OSBPL6: variants seen among roughly 807,000 people sequenced by gnomAD.
OSBPL6 encodes oxysterol-binding protein-related protein 6.
OSBPL6 carries 49 observed loss-of-function variants against 125.8 expected under a neutral mutation model. The observed-to-expected ratio is 0.39, with a 90% confidence interval of 0.31 to 0.49. The LOEUF is 0.49. Ranked by LOEUF, OSBPL6 falls within the 20% of genes least tolerant of loss-of-function variation. The probability of loss-of-function intolerance (pLI) is 0.88; values close to 1 mark genes in which losing one functional copy is unlikely to be tolerated. For synonymous variants in OSBPL6, 394 were observed against 391.8 expected, an observed-to-expected ratio of 1.01 and a Z score of -0.07; for missense variants, 986 against 1,135.4, an observed-to-expected ratio of 0.87 and a Z score of 1.89.
chr2:178,360,344 A>G (rs1053100980), intron 12 of OSBPL6, among the ~76,000 whole-genome samples: 1 of 152,154 alleles, frequency 6.6e-6, no homozygotes, highest in African/African-American at 2.4e-5. Context: ...CTAAATTAGT[A>G]GATTATAGCT....
intron 1 of OSBPL6, among the ~76,000 whole-genome samples, chr2:178,244,306 C>T (rs2091411911): frequency 6.6e-6 from 1 of 152,212 alleles, no homozygotes; most frequent in African/African-American, 2.4e-5. Context: ...CTTAGGTCCT[C>T]CTCTCTTATT....
Position 178,386,766 on chromosome 2 carries a change from C to G in OSBPL6, c.2078-295C>G, listed in dbSNP as rs372168899. On this transcript the variant is annotated intron_variant, in intron 19 of 24. Coordinates refer to ENST00000190611, the MANE Select transcript of OSBPL6 (RefSeq NM_032523.4). ...ACACACACACCGCACACACACTGTT[C>G]CAGGCTTCTCCCAGCTCTGTTAGTT... 2.6e-5 allele frequency among the ~76,000 whole-genome samples: 4 copies of G among 151,928 alleles called. No homozygotes were observed. In the South Asian group the frequency reaches 8.3e-4, roughly 32 times the overall value.
chr2:178,333,501 C>T (rs187100828), intron 8 of OSBPL6, among the ~76,000 whole-genome samples: 61 of 152,256 alleles, frequency 4.0e-4, no homozygotes, highest in African/African-American at 1.4e-3. Context: ...CAGAAGACAA[C>T]AGTGACATTT....
At chr2:178,337,975 T>C (rs1195080911) in intron 9 of OSBPL6, among the ~76,000 whole-genome samples, 1 of 144,836 alleles carries the variant, frequency 6.9e-6, no homozygotes, top group East Asian at 2.0e-4. Flanking sequence ...GGAGTCTTGC[T>C]CTATTGCATA....
At chr2:178,344,189 T>G in intron 11 of OSBPL6, 1 of 1,074,972 alleles carries the variant, frequency 9.3e-7, no homozygotes, top group South Asian at 1.4e-5. Flanking sequence ...AGTTAAAAAC[T>G]CTCCCTCTCC....
At chr2:178,290,700 C>T (rs1430734442) in intron 2 of OSBPL6, among the ~76,000 whole-genome samples, 1 of 152,076 alleles carries the variant, frequency 6.6e-6, no homozygotes, top group Non-Finnish European at 1.5e-5. Context: ...ATACCCCAGT[C>T]TAAGAATCAG....
chr2:178,367,815 A>G (rs1199898860), intron 13 of OSBPL6, among the ~76,000 whole-genome samples: 2 of 152,234 alleles, frequency 1.3e-5, no homozygotes, highest in Non-Finnish European at 2.9e-5. Context: ...GAGAATATGC[A>G]TAAAACCTGC....
intron 2 of OSBPL6, among the ~76,000 whole-genome samples, chr2:178,290,337 G>A (rs1009594635): frequency 3.3e-5 from 5 of 151,826 alleles, no homozygotes; most frequent in Admixed American, 6.6e-5. Context: ...GCTTTTTAGC[G>A]AGAAACTTCC....
intron 19 of OSBPL6, 36 bp from the exon 20 acceptor site, chr2:178,387,025 G>A: frequency 1.5e-6 from 2 of 1,367,292 alleles, no homozygotes; most frequent in Admixed American, 3.4e-5. Flanking sequence ...TTAGATATGG[G>A]GTATGTATTT....
chr2:178,371,112 C>T (rs989161582), intron 13 of OSBPL6, among the ~76,000 whole-genome samples: 2 of 152,230 alleles, frequency 1.3e-5, no homozygotes, highest in African/African-American at 4.8e-5. Flanking sequence ...TTACTAGGCA[C>T]TGACATTTAT....
At chr2:178,357,327 G>A (rs955093644) in intron 12 of OSBPL6, among the ~76,000 whole-genome samples, 6 of 152,140 alleles carry the variant, frequency 3.9e-5, no homozygotes, top group African/African-American at 1.4e-4. Context: ...GAAGATTTTT[G>A]CAATCTACCC....
At chr2:178,299,272 A>G (rs1032354251) in intron 2 of OSBPL6, among the ~76,000 whole-genome samples, 3 of 152,130 alleles carry the variant, frequency 2.0e-5, no homozygotes, top group African/African-American at 7.2e-5. Flanking sequence ...GATAGCTCAT[A>G]TCTTTTTTGC....
At chr2:178,224,926 C>T (rs1002277338) in intron 1 of OSBPL6, among the ~76,000 whole-genome samples, 1 of 152,098 alleles carries the variant, frequency 6.6e-6, no homozygotes, top group Admixed American at 6.6e-5. Flanking sequence ...CAGAGCAAGA[C>T]CCTGTCTGAA....
chr2:178,222,363 G>A (rs1186852800), intron 1 of OSBPL6, among the ~76,000 whole-genome samples: 4 of 152,286 alleles, frequency 2.6e-5, no homozygotes, highest in South Asian at 2.1e-4. Flanking sequence ...AAACAGAATC[G>A]GCTGGGCGCG....
At chr2:178,355,091 G>A (rs752200915) in intron 12 of OSBPL6, among the ~76,000 whole-genome samples, 30 of 152,180 alleles carry the variant, frequency 2.0e-4, no homozygotes, top group Non-Finnish European at 3.8e-4. Context: ...AAAGCAGTAT[G>A]TAGAGGGAAA....
intron 12 of OSBPL6, among the ~76,000 whole-genome samples, chr2:178,360,757 C>G (rs1692280315): frequency 6.6e-6 from 1 of 152,260 alleles, no homozygotes; most frequent in Non-Finnish European, 1.5e-5. Flanking sequence ...ATCCAGCTAT[C>G]AAGTTATTAC....
Position 178,297,317 on chromosome 2 carries a change from G to T in OSBPL6, c.-155-8713G>T, listed in dbSNP as rs1359558289. On this transcript the variant is annotated intron_variant, in intron 2 of 24. Coordinates refer to ENST00000190611, the MANE Select transcript of OSBPL6 (RefSeq NM_032523.4). ...AAATATAGTAAAATTAAAGAACTAG[G>T]CTGGGTACAGTGGCTCACGCCTCTA... 1.3e-5 allele frequency among the ~76,000 whole-genome samples: 2 copies of T among 152,150 alleles called. 1 individual carries two copies. Among genetic ancestry groups the T allele is most frequent in the Middle Eastern group, 6.3e-3 (2 of 316 alleles).
chr2:178,219,732 A>T (rs889711567), intron 1 of OSBPL6, among the ~76,000 whole-genome samples: 2 of 152,154 alleles, frequency 1.3e-5, no homozygotes, highest in African/African-American at 4.8e-5. Flanking sequence ...TAAATCCAAG[A>T]CCCATTTTAT....
At position 178,223,466 on chromosome 2, in the gene OSBPL6, A is replaced by G. The variant is rs1574532707; in HGVS notation, c.-351+28792A>G. Among the ~76,000 whole-genome samples, 7 of 152,320 alleles carry G rather than the reference A, an allele frequency of 4.6e-5. No homozygotes were observed. In the South Asian group the frequency reaches 1.4e-3, roughly 32 times the overall value. The stretch of plus-strand genomic sequence containing the variant: ...TCTTGATTGAGATTTTGTCAAATGT[A>G]TTGTTAGTTAAGTGGGTATATGTAT... On this transcript the variant is annotated intron_variant, in intron 1 of 24. Transcript: ENST00000190611.
Sources: allele counts gnomAD v4.1 joint callset (sites outside exome capture counted in the v4.1 genomes callset), GRCh38; gene constraint gnomAD v4.1.1; transcripts MANE v1.5; gene names NCBI Gene and HGNC (gene_info 2026-07-23, HGNC 2026-07-21).